Variants in GPR55 observed in about 807,000 individuals in gnomAD.
The protein encoded by GPR55 is G-protein coupled receptor 55.
A neutral mutation model predicts 7.9 loss-of-function variants in GPR55; 6 were observed. The observed-to-expected ratio is 0.76, with a 90% CI of 0.41 to 1.49. The LOEUF (loss-of-function observed/expected upper bound fraction) is 1.49, where lower values mean the gene tolerates loss of function less well. GPR55 is among the 40% of genes most tolerant of loss of function. The pLI is 0.01. For missense variants in GPR55, 376 were observed against 406.0 expected, an observed-to-expected ratio of 0.93 and a Z score of 0.63; for synonymous variants, 183 against 166.8, an observed-to-expected ratio of 1.10 and a Z score of -0.75.
At position 230,909,818 on chromosome 2, in the gene GPR55, G is replaced by A; in HGVS notation, c.*185C>T. On this transcript the variant is annotated 3_prime_UTR_variant, in exon 2 of 2. Coordinates refer to ENST00000650999, the MANE Select transcript of GPR55 (RefSeq NM_005683.4). Reference sequence around the variant, plus strand: ...CCCTGAACACTGGGTGGTATAAGCTGTCTGGGCAGTGGAAAAAAGGTCTTT... The same window carrying A: ...CCCTGAACACTGGGTGGTATAAGCTATCTGGGCAGTGGAAAAAAGGTCTTT... The A allele has an allele frequency of 6.4e-6, 4 of 620,274 alleles. No homozygotes were observed. The highest frequency in any genetic ancestry group is 1.1e-5 in the Non-Finnish European group (4 of 354,560). The allele number at this position is 620,274 out of a possible 1,614,324, so 38.4% of individuals were successfully genotyped here.
At chr2:230,936,782 T>C (rs1213456415) in intron 1 of GPR55, among the ~76,000 whole-genome samples, 1 of 152,224 alleles carries the variant, frequency 6.6e-6, no homozygotes, top group Non-Finnish European at 1.5e-5. Flanking sequence ...TGATGACAGT[T>C]GTCTTAACAC....
At chr2:230,945,864 C>G (rs1691305575) in intron 1 of GPR55, among the ~76,000 whole-genome samples, 1 of 152,196 alleles carries the variant, frequency 6.6e-6, no homozygotes, top group Non-Finnish European at 1.5e-5. Context: ...AGCCACCACG[C>G]CCGGTCTACA....
chr2:230,933,880 G>A (rs997667171), intron 1 of GPR55, among the ~76,000 whole-genome samples: 7 of 152,174 alleles, frequency 4.6e-5, no homozygotes, highest in Non-Finnish European at 1.0e-4. Context: ...CGCTAGGAGA[G>A]GCATTACCAG....
intron 1 of GPR55, among the ~76,000 whole-genome samples, chr2:230,922,622 C>CTGGG (rs1175703719): frequency 8.5e-5 from 13 of 152,266 alleles, no homozygotes; most frequent in African/African-American, 3.1e-4. Context: ...GTTGCCCAGG[C>CTGGG]TGGGGTGCAA....
At chr2:230,952,832 C>G (rs893047110) in intron 1 of GPR55, among the ~76,000 whole-genome samples, 8 of 152,240 alleles carry the variant, frequency 5.3e-5, no homozygotes, top group African/African-American at 1.7e-4. Flanking sequence ...CTCTCTCCCC[C>G]TCCTCTTTCC....
intron 1 of GPR55, among the ~76,000 whole-genome samples, chr2:230,922,703 G>A (rs1046113788): frequency 2.0e-5 from 3 of 152,066 alleles, no homozygotes; most frequent in African/African-American, 7.2e-5. Context: ...AGGCTCCTGA[G>A]TAGATGGGAT....
chr2:230,943,826 T>C (rs1285841428), intron 1 of GPR55, among the ~76,000 whole-genome samples: 1 of 152,148 alleles, frequency 6.6e-6, no homozygotes, highest in Non-Finnish European at 1.5e-5. Flanking sequence ...GAGATGCCGC[T>C]TCCTCTTCGC....
At chr2:230,955,837 C>G (rs1199956383) in intron 1 of GPR55, among the ~76,000 whole-genome samples, 1 of 152,162 alleles carries the variant, frequency 6.6e-6, no homozygotes, top group Middle Eastern at 3.2e-3. Context: ...AGCAATCCTC[C>G]CACCTCAGTC....
rs74474929 is a variant in GPR55, at chr2:230,948,060, T to A, written c.-135+12715A>T. On this transcript the variant is annotated intron_variant, in intron 1 of 1. Coordinates refer to the GPR55 transcript ENST00000392039. ...ACATGGGTGTGGCCACTGACTTCAG[T>A]TCTCTCCAAGAGGTCTTGGGTGCTG... Among the ~76,000 whole-genome samples, 875 of 152,264 alleles carry A rather than the reference T, an allele frequency of 5.7e-3. 5 individuals are homozygous for A. The highest frequency in any genetic ancestry group is 0.02 in the African/African-American group (820 of 41,540).
At chr2:230,930,821 G>T (rs1691023970) in intron 1 of GPR55, among the ~76,000 whole-genome samples, 2 of 152,296 alleles carry the variant, frequency 1.3e-5, no homozygotes, top group South Asian at 4.2e-4. Context: ...TCGTCTCCAT[G>T]AATTATCCTG....
At chr2:230,941,145 G>A (rs1341300092) in intron 1 of GPR55, among the ~76,000 whole-genome samples, 2 of 151,998 alleles carry the variant, frequency 1.3e-5, no homozygotes, top group Admixed American at 6.5e-5. Flanking sequence ...GAAGGGGTTG[G>A]AGGGCCTGAT....
chr2:230,948,156 C>T (rs1240466139), intron 1 of GPR55, among the ~76,000 whole-genome samples: 3 of 152,120 alleles, frequency 2.0e-5, no homozygotes. Flanking sequence ...AGCACAGCCC[C>T]TATGCTTGGT....
intron 1 of GPR55, among the ~76,000 whole-genome samples, chr2:230,941,726 C>A (rs1431950618): frequency 2.0e-5 from 3 of 152,230 alleles, no homozygotes; most frequent in Non-Finnish European, 4.4e-5. Context: ...CCCAGGGAGG[C>A]CTTCCCTGAT....
At chr2:230,939,416 G>A (rs2125065177) in intron 1 of GPR55, among the ~76,000 whole-genome samples, 2 of 152,322 alleles carry the variant, frequency 1.3e-5, no homozygotes, top group Middle Eastern at 3.4e-3. Flanking sequence ...ATGCTTCCCA[G>A]GGAAGTTTCC....
chr2:230,951,757 T>C (rs900461481), intron 1 of GPR55, among the ~76,000 whole-genome samples: 1 of 39,100 alleles, frequency 2.6e-5, no homozygotes, highest in Non-Finnish European at 3.9e-5. Flanking sequence ...GTTATTGGGG[T>C]TTTTTTTTTT....
At position 230,908,742 on chromosome 2, in the gene GPR55, T is replaced by C. The variant is rs1690512731; in HGVS notation, c.*1261A>G. Reference sequence around the variant, plus strand: ...AAAACCACCCCACAATGGATCCTTCTCATCATTTCACTCTCCGGAGCAGCT... The same window carrying C: ...AAAACCACCCCACAATGGATCCTTCCCATCATTTCACTCTCCGGAGCAGCT... On this transcript the variant is annotated 3_prime_UTR_variant, in exon 2 of 2. Coordinates refer to ENST00000650999, the MANE Select transcript of GPR55 (RefSeq NM_005683.4). 1 of 152,412 alleles carries C rather than the reference T, an allele frequency of 6.6e-6. No homozygotes were observed. The highest frequency in any genetic ancestry group is 2.4e-5 in the African/African-American group (1 of 41,434). 9.4% of individuals were successfully genotyped at this position (152,412 alleles called of 1,614,324 possible). A position where few individuals can be genotyped will look rare whatever the true frequency, so the allele number is the denominator to read the frequency against.
At chr2:230,945,635 C>T (rs1691301790) in intron 1 of GPR55, among the ~76,000 whole-genome samples, 1 of 152,200 alleles carries the variant, frequency 6.6e-6, no homozygotes, top group Non-Finnish European at 1.5e-5. Flanking sequence ...TGCAGTGGCA[C>T]TATCTCGGCT....
intron 1 of GPR55, among the ~76,000 whole-genome samples, chr2:230,919,700 A>C (rs541990888): frequency 1.6e-4 from 25 of 152,196 alleles, no homozygotes; most frequent in Non-Finnish European, 3.2e-4. Context: ...AAGAAGAAAA[A>C]TTGTGTACAA....
chr2:230,939,421 G>A (rs1444383412), intron 1 of GPR55, among the ~76,000 whole-genome samples: 1 of 152,214 alleles, frequency 6.6e-6, no homozygotes, highest in Non-Finnish European at 1.5e-5. Flanking sequence ...TCCCAGGGAA[G>A]TTTCCAAACC....
Sources: allele counts gnomAD v4.1 joint callset (sites outside exome capture counted in the v4.1 genomes callset), GRCh38; gene constraint gnomAD v4.1.1; transcripts MANE v1.5; gene names NCBI Gene and HGNC (gene_info 2026-07-23, HGNC 2026-07-21).